The following PPP2R1B variants were observed in gnomAD, a reference collection of about 807,000 sequenced individuals.
PPP2R1B encodes the protein serine/threonine-protein phosphatase 2A 65 kDa regulatory subunit A beta isoform.
In PPP2R1B, 58 loss-of-function variants were observed where a neutral mutation model predicts 72.7. The ratio of observed to expected loss-of-function variants is 0.80; its 90% CI spans 0.65 to 0.99. The LOEUF (loss-of-function observed/expected upper bound fraction) is 0.99. PPP2R1B is among the 50% of genes least tolerant of loss of function. The pLI is 0.00. For missense variants in PPP2R1B, 695 were observed against 733.6 expected (o/e 0.95, Z 0.61); for synonymous variants, 256 against 264.6 (o/e 0.97, Z 0.32).
chr11:111,742,890 T>G (rs1017431192), intron 12 of PPP2R1B, among the ~76,000 whole-genome samples: 2 of 151,934 alleles, frequency 1.3e-5, no homozygotes, highest in African/African-American at 2.4e-5. Context: ...CTTTGTTTTT[T>G]TTTTTTTCAG....
At chr11:111,763,874 A>C (rs1005385993) in intron 3 of PPP2R1B, among the ~76,000 whole-genome samples, 1 of 152,176 alleles carries the variant, frequency 6.6e-6, no homozygotes, top group African/African-American at 2.4e-5. Context: ...CTCTCTATAT[A>C]TATATATTCA....
At chr11:111,737,330 G>C, downstream of PPP2R1B, 1 of 1,476,890 alleles carries the variant, frequency 6.8e-7, no homozygotes, top group Non-Finnish European at 9.2e-7. Flanking sequence ...TTCCCCTGGG[G>C]ACAAAGTGAG....
chr11:111,747,901 G>C, intron 11 of PPP2R1B, 53 bp downstream of exon 11: 1 of 1,513,934 alleles, frequency 6.6e-7, no homozygotes, highest in South Asian at 1.2e-5. Flanking sequence ...AAAAGGAAAT[G>C]TATGAAAATC....
intron 5 of PPP2R1B, among the ~76,000 whole-genome samples, chr11:111,755,878 C>T (rs943551566): frequency 2.6e-5 from 4 of 152,042 alleles, no homozygotes; most frequent in South Asian, 2.1e-4. Flanking sequence ...ATTACAAGCG[C>T]GAGCCACTGC....
At chr11:111,701,650 C>CT in the PPP2R1B span, 1 of 1,530,698 alleles carries the variant, frequency 6.5e-7, no homozygotes, top group African/African-American at 1.4e-5. This position sits in a 1 kb window ranked among gnomAD's most constrained non-coding sequence, Gnocchi z 4.2. Flanking sequence ...GTAAAAGCTT[C>CT]TTTTTTTCTA....
intron 15 of PPP2R1B, chr11:111,727,492 T>C (rs990377814): frequency 5.6e-6 from 1 of 179,060 alleles, no homozygotes; most frequent in Non-Finnish European, 1.2e-5. Flanking sequence ...GCTGGAGTAA[T>C]GGGGTGCTCT....
chr11:111,760,136 C>T (rs896230577), intron 4 of PPP2R1B, among the ~76,000 whole-genome samples, 185 bp from the exon 5 acceptor site: 2 of 152,198 alleles, frequency 1.3e-5, no homozygotes, highest in Non-Finnish European at 2.9e-5. Context: ...ATAGGCCAGG[C>T]ATGGTGCCTC....
chr11:111,753,448 C>T lies in PPP2R1B; in HGVS notation c.1159G>A (p.Asp387Asn), dbSNP rs375058193. Residue 387 changes from aspartate (D) to asparagine (N), a missense_variant, in exon 9 of 15, where the codon GAT (aspartate) becomes AAT (asparagine). Coordinates refer to ENST00000527614, the MANE Select transcript of PPP2R1B (RefSeq NM_002716.5). ...LLPLFLAQLKDECPDVRLNII... is the reference protein window; with the variant it reads ...LLPLFLAQLKNECPDVRLNII... Reference sequence around the variant, plus strand: ...GAACATAAAGCAAGACCCACCTCATCCTTTAACTGAGCTAAGAAAAGAGGT... The same window carrying T: ...GAACATAAAGCAAGACCCACCTCATTCTTTAACTGAGCTAAGAAAAGAGGT... 1.5e-5 allele frequency: 24 copies of T among 1,612,546 alleles called. No individual in the cohort carries two copies. The highest frequency in any genetic ancestry group is 1.1e-4 in the East Asian group (5 of 44,858).
chr11:111,712,369 T>G, the PPP2R1B span: 4 of 1,613,730 alleles, frequency 2.5e-6, no homozygotes, highest in East Asian at 8.9e-5. Flanking sequence ...GTGTGGACAC[T>G]CCAAAGGTAC....
the PPP2R1B span, among the ~76,000 whole-genome samples, chr11:111,716,449 T>C: frequency 7.5e-3 from 1,134 of 152,148 alleles, 8 homozygotes; most frequent in Middle Eastern, 0.061. Flanking sequence ...TGGTGGTGCG[T>C]GCCTGTAATC....
chr11:111,723,364 TC>T, downstream of PPP2R1B: 5 of 974,840 alleles, frequency 5.1e-6, no homozygotes, highest in Non-Finnish European at 7.5e-6. Context: ...TGGTTCCCAT[TC>T]CCACTTGTTT....
chr11:111,742,297 A>C (rs1005386014), intron 13 of PPP2R1B, 153 bp from the exon 14 acceptor site: 3 of 791,868 alleles, frequency 3.8e-6, no homozygotes, highest in East Asian at 2.7e-5. Context: ...GTCTAAAGAA[A>C]TTCTCAGCAA....
At chr11:111,733,853 C>A (rs1008463686), downstream of PPP2R1B, among the ~76,000 whole-genome samples, 4 of 152,176 alleles carry the variant, frequency 2.6e-5, no homozygotes, top group African/African-American at 9.7e-5. Flanking sequence ...GAGGGCCAGG[C>A]AAGGAGGGCT....
Position 111,741,643 on chromosome 11 carries a change from G to A in PPP2R1B, c.1790-31C>T, listed in dbSNP as rs199687905. On this transcript the variant is annotated intron_variant, in intron 14 of 14. Coordinates refer to ENST00000527614, the MANE Select transcript of PPP2R1B (RefSeq NM_002716.5). ...AAATTCCAAACAAAATCAGGTTAGT[G>A]GTACAGAAAGTTCACGAACGATCTA... The A allele has an allele frequency of 1.9e-5, 31 of 1,609,134 alleles. No individual in the cohort carries two copies. The African/African-American group carries it at 3.3e-4, about 17-fold the overall frequency.
downstream of PPP2R1B, among the ~76,000 whole-genome samples, chr11:111,736,166 A>G (rs935916006): frequency 5.9e-5 from 9 of 152,142 alleles, no homozygotes; most frequent in African/African-American, 2.2e-4. Flanking sequence ...TGAGGATGAC[A>G]TGAGATTTGA....
At chr11:111,692,337 C>T in the PPP2R1B span, among the ~76,000 whole-genome samples, 7 of 95,292 alleles carry the variant, frequency 7.3e-5, no homozygotes, top group African/African-American at 8.3e-5. Flanking sequence ...GGCAACAGAG[C>T]GAGACTCAGT....
chr11:111,703,380 G>A, the PPP2R1B span: 10 of 1,613,884 alleles, frequency 6.2e-6, no homozygotes, highest in Admixed American at 1.7e-5. Flanking sequence ...CAGGTTCTGC[G>A]ACTGATGCAC....
intron 15 of PPP2R1B, chr11:111,727,313 C>G: frequency 4.0e-6 from 2 of 500,654 alleles, no homozygotes; most frequent in African/African-American, 3.8e-5. Context: ...CCCCTTCTCT[C>G]TTCCATCCAC....
intron 5 of PPP2R1B, among the ~76,000 whole-genome samples, chr11:111,757,217 G>A (rs1555049997): frequency 6.6e-6 from 1 of 152,030 alleles, no homozygotes; most frequent in Non-Finnish European, 1.5e-5. Flanking sequence ...CTTAATACAT[G>A]TAAACATTAG....
Sources: gnomAD v4.1 joint callset for allele counts (sites outside exome capture counted in the v4.1 genomes callset) on GRCh38, gnomAD v4.1.1 for gene constraint, Gnocchi (gnomAD v3.1) non-coding constraint, MANE v1.5 for transcripts, NCBI Gene and HGNC (gene_info 2026-07-23, HGNC 2026-07-21) for gene names.